The following ZBED6 variants were observed in gnomAD, a reference collection of about 807,000 sequenced individuals.
The protein encoded by ZBED6 is zinc finger BED domain-containing protein 6.
ZBED6 carries 40 observed loss-of-function variants against 58.4 expected under a neutral mutation model. The observed-to-expected ratio is 0.68, with a 90% confidence interval of 0.53 to 0.89. ZBED6 has a LOEUF of 0.89. Ranked by LOEUF, ZBED6 falls within the 40% of genes least tolerant of loss-of-function variation. ZBED6 has a pLI of 0.00. For synonymous variants in ZBED6, 439 were observed against 350.6 expected (o/e 1.25, Z -2.82); for missense variants, 1,057 against 1,003.9 (o/e 1.05, Z -0.71).
At chr1:203,807,886 CAT>C (rs1435367966) in intron 1 of ZBED6, among the ~76,000 whole-genome samples, 3 of 151,928 alleles carry the variant, frequency 2.0e-5, no homozygotes, top group Non-Finnish European at 4.4e-5. Context: ...GGAGTAAAGA[CAT>C]GTGCCACCAT....
chr1:203,840,522 A>G (rs911581819), intron 11 of ZBED6, 148 bp downstream of exon 11: 2 of 677,530 alleles, frequency 3.0e-6, no homozygotes, highest in Non-Finnish European at 4.8e-6. Context: ...TGATCAAGTC[A>G]GCTCAGACTC....
In ZBED6 at chr1:203,815,216, CTTTTTT is replaced by C. The variant is rs59254922; in HGVS notation, c.*2555-1699_*2555-1694del. Among the ~76,000 whole-genome samples, 4 of 97,144 alleles carry C rather than the reference CTTTTTT, an allele frequency of 4.1e-5. 1 individual carries two copies. The East Asian group carries it at 9.1e-4, about 22-fold the overall frequency. 63.7% of individuals were successfully genotyped at this position (97,144 alleles called of 152,430 possible). On this transcript the variant is annotated intron_variant, in intron 1 of 16. Coordinates refer to ENST00000550078, the Ensembl canonical transcript of ZBED6. ...TTCATTATTTTCTTCCTTTTCTTTT[CTTTTTT>C]TTTTTTTTTTGAGACAGTGTCTCGC...
intron 16 of ZBED6, among the ~76,000 whole-genome samples, chr1:203,851,829 C>T (rs545383840): frequency 1.9e-4 from 29 of 151,678 alleles, no homozygotes; most frequent in African/African-American, 7.0e-4. Flanking sequence ...AAAAAAATCA[C>T]ATGGTGACAC....
intron 1 of ZBED6, among the ~76,000 whole-genome samples, chr1:203,808,363 G>A (rs916482971): frequency 1.3e-5 from 2 of 152,066 alleles, no homozygotes; most frequent in African/African-American, 2.4e-5. Flanking sequence ...CTGAAAGTTT[G>A]TATGATTTTG....
chr1:203,818,820 A>G, intron 3 of ZBED6, 131 bp downstream of exon 3: 1 of 1,409,286 alleles, frequency 7.1e-7, no homozygotes, highest in Non-Finnish European at 9.5e-7. Flanking sequence ...CTGTAGTTCC[A>G]GCACTTTGGG....
In ZBED6 at chr1:203,810,640, C is replaced by T. The variant is rs559713235; in HGVS notation, c.*2555-6286C>T. 2.0e-4 allele frequency among the ~76,000 whole-genome samples: 30 copies of T among 152,024 alleles called. No homozygotes were observed. The East Asian group carries it at 3.7e-3, about 19-fold the overall frequency. ...TTCACAGTGTCAGCCAGGATGGTCT[C>T]GATCTCCTGACCTCGTGATCCACCC... On this transcript the variant is annotated intron_variant, in intron 1 of 16. Transcript: ENST00000550078.
intron 15 of ZBED6, 137 bp from the exon 16 acceptor site, chr1:203,850,920 C>T: frequency 8.1e-7 from 1 of 1,229,916 alleles, no homozygotes. Flanking sequence ...ATATACTCAA[C>T]CTTTAGATTA....
intron 1 of ZBED6, among the ~76,000 whole-genome samples, chr1:203,813,647 A>G (rs547650912): frequency 4.6e-5 from 7 of 152,264 alleles, no homozygotes; most frequent in African/African-American, 1.2e-4. Flanking sequence ...TTGTCTCACA[A>G]TTCTGAAGGT....
chr1:203,832,960 G>A (rs771124466), intron 8 of ZBED6, among the ~76,000 whole-genome samples: 58 of 152,286 alleles, frequency 3.8e-4, no homozygotes, highest in East Asian at 5.8e-4. Context: ...TAGGCTGTGC[G>A]CAGTGGCTTA....
At chr1:203,804,346 G>C (rs1343024682) in intron 1 of ZBED6, among the ~76,000 whole-genome samples, 1 of 151,812 alleles carries the variant, frequency 6.6e-6, no homozygotes, top group Non-Finnish European at 1.5e-5. Context: ...TAGAGACGGG[G>C]TTTCACCGTG....
intron 6 of ZBED6, 96 bp from the exon 7 acceptor site, chr1:203,830,027 G>C (rs191351562): frequency 7.6e-7 from 1 of 1,321,474 alleles, no homozygotes; most frequent in East Asian, 2.3e-5. Flanking sequence ...AGTTTCTGTT[G>C]ATCATTTATT....
chr1:203,803,327 G>A (rs1437072720), intron 1 of ZBED6, among the ~76,000 whole-genome samples: 1 of 151,898 alleles, frequency 6.6e-6, no homozygotes, highest in African/African-American at 2.4e-5. Context: ...GGGTAGCTGG[G>A]ATTACAGATG....
Position 203,798,672 on chromosome 1 carries a change from C to A in ZBED6, c.1150C>A (p.Pro384Thr), listed in dbSNP as rs983804082. Residue 384 changes from proline (P) to threonine (T), a missense_variant, in exon 1 of 17, where the codon CCC (proline) becomes ACC (threonine). Coordinates refer to ENST00000550078, the Ensembl canonical transcript of ZBED6. The stretch of plus-strand genomic sequence containing the variant: ...TGAAAACAGATCTGAAAGTCCTATT[C>A]CCGTTGCAGAGCAAGGCACTCTGAT... 3 of 1,536,008 alleles carry A rather than the reference C, an allele frequency of 2.0e-6. No individual in the cohort carries two copies. In the African/African-American group the frequency reaches 4.1e-5, roughly 21 times the overall value.
exon 12 of ZBED6, chr1:203,847,374 T>G (rs1369990432): frequency 6.2e-7 from 1 of 1,613,676 alleles, no homozygotes; most frequent in Admixed American, 1.7e-5. Flanking sequence ...AGGTCCTGGC[T>G]GAAAAAAAAC....
At chr1:203,842,425 C>T (rs1418239638) in intron 11 of ZBED6, among the ~76,000 whole-genome samples, 4 of 152,120 alleles carry the variant, frequency 2.6e-5, no homozygotes, top group Admixed American at 6.5e-5. Context: ...GGCGAAACCC[C>T]GTCTCCACCA....
chr1:203,799,203 A>G, exon 1 of ZBED6: 1 of 1,072,468 alleles, frequency 9.3e-7, no homozygotes, highest in Non-Finnish European at 1.4e-6. Context: ...CCCTAGCTTC[A>G]TTGTTTCTGA....
exon 1 of ZBED6, chr1:203,797,905 C>T (rs1669164118): frequency 6.5e-7 from 1 of 1,535,994 alleles, no homozygotes; most frequent in African/African-American, 1.4e-5. Flanking sequence ...CTACCTAGTA[C>T]TAGAGCCAAG....
chr1:203,830,925 A>ATTTTT lies in ZBED6; in HGVS notation c.*3400-702_*3400-698dup, dbSNP rs774771270. 9.9e-4 allele frequency among the ~76,000 whole-genome samples: 51 copies of ATTTTT among 51,374 alleles called. 2 individuals carry two copies. The highest frequency in any genetic ancestry group is 2.5e-3 in the African/African-American group (35 of 14,080). The allele number at this position is 51,374 out of a possible 152,430, so 33.7% of individuals were successfully genotyped here. ...GATTGCTCTGTATTTCCAACCCCCAATTTTTTTTTTTTTTTTTTTTTTTTT... is the reference window on the plus strand; with the variant it reads ...GATTGCTCTGTATTTCCAACCCCCAATTTTTTTTTTTTTTTTTTTTTTTTTTTTTT... On this transcript the variant is annotated intron_variant, in intron 7 of 16. Coordinates refer to ENST00000550078, the Ensembl canonical transcript of ZBED6.
chr1:203,838,045 T>A, exon 10 of ZBED6: 1 of 1,614,206 alleles, frequency 6.2e-7, no homozygotes, highest in East Asian at 2.2e-5. Context: ...AAACTAACAT[T>A]GACAAAACAC....
Sources: gnomAD v4.1 joint callset for allele counts (sites outside exome capture counted in the v4.1 genomes callset) on GRCh38, gnomAD v4.1.1 for gene constraint, MANE v1.5 for transcripts, NCBI Gene and HGNC (gene_info 2026-07-23, HGNC 2026-07-21) for gene names.